The following ZDHHC12 variants were observed in gnomAD, a reference collection of about 807,000 sequenced individuals.
ZDHHC12 encodes the protein palmitoyltransferase ZDHHC12.
Under a neutral mutation model 33.2 loss-of-function variants are expected in ZDHHC12, and 26 were observed. That is an observed-to-expected ratio of 0.78 (90% CI 0.57 to 1.09). ZDHHC12 has a LOEUF of 1.09. Among genes scored for constraint, ZDHHC12 ranks in the 50% least tolerant of loss-of-function variants. The pLI is 0.00. For missense variants in ZDHHC12, 350 were observed against 353.0 expected (o/e 0.99, Z 0.07); for synonymous variants, 154 against 152.1 (o/e 1.01, Z -0.09).
chr9:128,721,330 G>T lies in ZDHHC12; in HGVS notation c.655C>A (p.Arg219Ser). Reference sequence around the variant, plus strand: ...GGGCGCTGGCGGAGATAGGCGATGCGGTGTGAGGAGATGAATTCCCAGGTG... The same window carrying T: ...GGGCGCTGGCGGAGATAGGCGATGCTGTGTGAGGAGATGAATTCCCAGGTG... Reference protein sequence around the residue: ...TTTWEFISSHRIAYLRQRPSN... With the variant: ...TTTWEFISSHSIAYLRQRPSN... The change falls in exon 5 of 5, where the codon CGC becomes AGC. Residue 219 changes from arginine (R) to serine (S), a missense_variant. By Grantham distance (110) the Arg-to-Ser change is moderately radical. Coordinates refer to ENST00000372663, the MANE Select transcript of ZDHHC12 (RefSeq NM_032799.5). This position sits in a 1 kb window ranked among gnomAD's most constrained non-coding sequence, Gnocchi z 6.9. 1 of 1,592,700 alleles carries T rather than the reference G, an allele frequency of 6.3e-7. No homozygotes were observed. The highest frequency in any genetic ancestry group is 8.5e-7 in the Non-Finnish European group (1 of 1,169,748).
chr9:128,721,849 G>A lies in ZDHHC12; in HGVS notation c.316-32C>T. The A allele has an allele frequency of 1.9e-6, 3 of 1,607,540 alleles. No individual in the cohort carries two copies. Among genetic ancestry groups the A allele is most frequent in the Non-Finnish European group, 2.5e-6 (3 of 1,176,510 alleles). On this transcript the variant is annotated intron_variant, in intron 3 of 4. Transcript: ENST00000372663. This position sits in a 1 kb window ranked among gnomAD's most constrained non-coding sequence, Gnocchi z 6.9. ...GCATGGAGGAGAGTGGAGGCTCAGTGCCAGCCCTGCTGTGGGCCCACCACT... is the reference window on the plus strand; with the variant it reads ...GCATGGAGGAGAGTGGAGGCTCAGTACCAGCCCTGCTGTGGGCCCACCACT...
In ZDHHC12 at chr9:128,721,533, G is replaced by C. The variant is rs765168974; in HGVS notation, c.483-31C>G. On this transcript the variant is annotated intron_variant, in intron 4 of 4. Transcript: ENST00000372663. The surrounding 1 kb of genome is among the most constrained non-coding windows in gnomAD (Gnocchi z 6.9). Reference sequence around the variant, plus strand: ...GTGCAGGGGACAGGGGCCTGGTGCTGGGGGAGGGCAGGGGAGCCCTTCCCT... The same window carrying C: ...GTGCAGGGGACAGGGGCCTGGTGCTCGGGGAGGGCAGGGGAGCCCTTCCCT... 6.3e-7 allele frequency: 1 copy of C among 1,594,686 alleles called. No homozygotes were observed. The highest frequency in any genetic ancestry group is 8.6e-7 in the Non-Finnish European group (1 of 1,169,054).
In ZDHHC12 at chr9:128,722,981, G is replaced by C. The variant is rs1481926220; in HGVS notation, c.101-407C>G. 1.3e-5 allele frequency: 3 copies of C among 228,094 alleles called. No individual in the cohort carries two copies. The highest frequency in any genetic ancestry group is 2.6e-5 in the Non-Finnish European group (3 of 116,108). The allele number at this position is 228,094 out of a possible 1,614,324, so 14.1% of individuals were successfully genotyped here. A position where few individuals can be genotyped will look rare whatever the true frequency, so the allele number is the denominator to read the frequency against. On this transcript the variant is annotated intron_variant, in intron 1 of 4. Transcript: ENST00000372663. The surrounding 1 kb of genome is among the most constrained non-coding windows in gnomAD (Gnocchi z 4.2). ...AGGGAAGAGGGGTCCAGCGTCTCTG[G>C]CTCTGCAATGGTGAGAGACTGGTTA...
Position 128,722,461 on chromosome 9 carries a change from C to G in ZDHHC12, c.214G>C (p.Val72Leu). The change falls in exon 2 of 5, where the codon GTG (valine) becomes CTG (leucine). Residue 72 changes from valine to leucine, a missense_variant. Physicochemically the swap from Val to Leu is conservative, Grantham distance 32. Transcript: ENST00000372663. The surrounding 1 kb of genome is among the most constrained non-coding windows in gnomAD (Gnocchi z 4.2). Reference protein sequence around the residue: ...LAVSLMDPGYVNVQPQPQEEL... With the variant: ...LAVSLMDPGYLNVQPQPQEEL... The stretch of plus-strand genomic sequence containing the variant: ...ACCTGAGGCTGGGGCTGCACATTCA[C>G]GTAGCCAGGGTCCATGAGTGACACA... 1 of 1,535,010 alleles carries G rather than the reference C, an allele frequency of 6.5e-7. No individual in the cohort carries two copies. The highest frequency in any genetic ancestry group is 1.4e-5 in the African/African-American group (1 of 72,924).
At position 128,724,116 on chromosome 9, in the gene ZDHHC12, C is replaced by T. The variant is rs1201792848; in HGVS notation, c.-23G>A. ...CATCGCCTCGGCCCGGGGCCCCACC[C>T]GGAAGAAGCGCCCAGAGGGGCGGGC... On this transcript the variant is annotated 5_prime_UTR_variant, in exon 1 of 5. Transcript: ENST00000372663. The T allele has an allele frequency of 6.6e-7, 1 of 1,517,630 alleles. No individual in the cohort carries two copies. The highest frequency in any genetic ancestry group is 8.9e-7 in the Non-Finnish European group (1 of 1,128,404). The allele number at this position is 1,517,630 out of a possible 1,614,324, so 94.0% of individuals were successfully genotyped here.
Position 128,722,193 on chromosome 9 carries a change from C to G in ZDHHC12, c.238-107G>C, listed in dbSNP as rs1380295349. 7.2e-7 allele frequency: 1 copy of G among 1,387,474 alleles called. No homozygotes were observed. Among genetic ancestry groups the G allele is most frequent in the East Asian group, 2.3e-5 (1 of 42,926 alleles). The allele number at this position is 1,387,474 out of a possible 1,614,324, so 85.9% of individuals were successfully genotyped here. A position where few individuals can be genotyped will look rare whatever the true frequency, so the allele number is the denominator to read the frequency against. ...TAGCTCTGGGTATGGAGTTTGGGAC[C>G]CATCCCATGCAGAATGGAGGTGTGG... On this transcript the variant is annotated intron_variant, in intron 2 of 4. Coordinates refer to ENST00000372663, the MANE Select transcript of ZDHHC12 (RefSeq NM_032799.5). The surrounding 1 kb of genome is among the most constrained non-coding windows in gnomAD (Gnocchi z 4.2).
Position 128,721,491 on chromosome 9 carries a change from CGGAG to C in ZDHHC12, c.490_493del (p.Leu164GlyfsTer71). The C allele has an allele frequency of 6.3e-7, 1 of 1,598,270 alleles. No homozygotes were observed. Among genetic ancestry groups the C allele is most frequent in the Non-Finnish European group, 8.5e-7 (1 of 1,172,960 alleles). ...CCACTGACCCCAGGGCTGGAAGAAC[CGGAG>C]GCCTGACCTGCGGTGCAGGGGACAG... On this transcript the variant is annotated frameshift_variant, in exon 5 of 5. Transcript: ENST00000372663. LOFTEE classifies it high-confidence loss of function. The surrounding 1 kb of genome is among the most constrained non-coding windows in gnomAD (Gnocchi z 6.9).
Position 128,720,967 on chromosome 9 carries a change from G to T in ZDHHC12, c.*214C>A. ...CTGGGGTGGAGCCCGGGGTCTGCTT[G>T]GGCCTGAGCCACCCACAGGTCCTTT... On this transcript the variant is annotated 3_prime_UTR_variant, in exon 5 of 5. Coordinates refer to ENST00000372663, the MANE Select transcript of ZDHHC12 (RefSeq NM_032799.5). This position sits in a 1 kb window ranked among gnomAD's most constrained non-coding sequence, Gnocchi z 5.5. 1.6e-6 allele frequency: 1 copy of T among 618,704 alleles called. No individual in the cohort carries two copies. Among genetic ancestry groups the T allele is most frequent in the Non-Finnish European group, 2.8e-6 (1 of 362,942 alleles). 38.3% of individuals were successfully genotyped at this position (618,704 alleles called of 1,614,324 possible).
Position 128,722,966 on chromosome 9 carries a change from G to A in ZDHHC12, c.101-392C>T. ...CTGGATGTGGGAGAGAGGGAAGAGG[G>A]GTCCAGCGTCTCTGGCTCTGCAATG... On this transcript the variant is annotated intron_variant, in intron 1 of 4. Coordinates refer to ENST00000372663, the MANE Select transcript of ZDHHC12 (RefSeq NM_032799.5). This position sits in a 1 kb window ranked among gnomAD's most constrained non-coding sequence, Gnocchi z 4.2. 4.0e-6 allele frequency: 1 copy of A among 247,136 alleles called. No individual in the cohort carries two copies. The highest frequency in any genetic ancestry group is 7.8e-6 in the Non-Finnish European group (1 of 128,700). 15.3% of individuals were successfully genotyped at this position (247,136 alleles called of 1,614,324 possible). A position where few individuals can be genotyped will look rare whatever the true frequency, so the allele number is the denominator to read the frequency against.
rs1248138982 is a variant in ZDHHC12, at chr9:128,721,451, C to A, written c.534G>T (p.Gly178=). 2 of 1,588,254 alleles carry A rather than the reference C, an allele frequency of 1.3e-6. No individual in the cohort carries two copies. Among genetic ancestry groups the A allele is most frequent in the South Asian group, 2.3e-5 (2 of 88,046 alleles). ...GCAGCAGGAAGGTGGCGAACAGGAG[C>A]CCGCTGGACCGCAACCACTGACCCC... is the stretch of plus-strand genomic sequence containing the variant. The part of the protein sequence containing the change: ...QPWGQWLRSS[G]LLFATFLLLS... The change falls in exon 5 of 5, where the codon GGG becomes GGT. Residue 178 remains glycine (G), a synonymous_variant. Transcript: ENST00000372663. This position sits in a 1 kb window ranked among gnomAD's most constrained non-coding sequence, Gnocchi z 6.9.
Position 128,721,094 on chromosome 9 carries a change from G to A in ZDHHC12, c.*87C>T. ...TCTGGGAGGCGTGGGCAGGAGTGAG[G>A]GCCCCAGGCCCTCTGAGCGCTCACC... On this transcript the variant is annotated 3_prime_UTR_variant, in exon 5 of 5. Coordinates refer to ENST00000372663, the MANE Select transcript of ZDHHC12 (RefSeq NM_032799.5). This position sits in a 1 kb window ranked among gnomAD's most constrained non-coding sequence, Gnocchi z 6.9. The A allele has an allele frequency of 7.4e-7, 1 of 1,350,048 alleles. No individual in the cohort carries two copies. The highest frequency in any genetic ancestry group is 9.8e-7 in the Non-Finnish European group (1 of 1,020,982). 83.6% of individuals were successfully genotyped at this position (1,350,048 alleles called of 1,614,324 possible). A position where few individuals can be genotyped will look rare whatever the true frequency, so the allele number is the denominator to read the frequency against.
chr9:128,721,996 G>A lies in ZDHHC12; in HGVS notation c.315+13C>T, dbSNP rs779757153. On this transcript the variant is annotated intron_variant, in intron 3 of 4. Coordinates refer to ENST00000372663, the MANE Select transcript of ZDHHC12 (RefSeq NM_032799.5). The surrounding 1 kb of genome is among the most constrained non-coding windows in gnomAD (Gnocchi z 6.9). ...GGCCCAACCTCTCCCACGGGTGTCC[G>A]TGCATCACTCACCAGCACCAGGCAG... 5.6e-6 allele frequency: 9 copies of A among 1,613,970 alleles called. No individual in the cohort carries two copies. Among genetic ancestry groups the A allele is most frequent in the South Asian group, 1.1e-5 (1 of 91,084 alleles).
At position 128,723,624 on chromosome 9, in the gene ZDHHC12, T is replaced by C. The variant is rs1349567578; in HGVS notation, c.100+370A>G. 2.5e-6 allele frequency: 1 copy of C among 396,476 alleles called. No individual in the cohort carries two copies. Among genetic ancestry groups the C allele is most frequent in the Non-Finnish European group, 4.5e-6 (1 of 220,844 alleles). 24.6% of individuals were successfully genotyped at this position (396,476 alleles called of 1,614,324 possible). On this transcript the variant is annotated intron_variant, in intron 1 of 4. Coordinates refer to ENST00000372663, the MANE Select transcript of ZDHHC12 (RefSeq NM_032799.5). The surrounding 1 kb of genome is among the most constrained non-coding windows in gnomAD (Gnocchi z 4.4). Reference sequence around the variant, plus strand: ...GCAGAATGCCAATCTTTGCATCTAGTTGAGCCTCCTAATCGTATGGATAGG... The same window carrying C: ...GCAGAATGCCAATCTTTGCATCTAGCTGAGCCTCCTAATCGTATGGATAGG...
Position 128,722,238 on chromosome 9 carries a change from G to C in ZDHHC12, c.238-152C>G, listed in dbSNP as rs753764598. 1.2e-5 allele frequency: 13 copies of C among 1,121,008 alleles called. No individual in the cohort carries two copies. Among genetic ancestry groups the C allele is most frequent in the Non-Finnish European group, 1.7e-5 (13 of 782,290 alleles). The allele number at this position is 1,121,008 out of a possible 1,614,324, so 69.4% of individuals were successfully genotyped here. A position where few individuals can be genotyped will look rare whatever the true frequency, so the allele number is the denominator to read the frequency against. Reference sequence around the variant, plus strand: ...GTGTGGGGTATGGCGGAGCACCCTGGACTGAGGGCGGCTGTGTATGTTTGC... The same window carrying C: ...GTGTGGGGTATGGCGGAGCACCCTGCACTGAGGGCGGCTGTGTATGTTTGC... On this transcript the variant is annotated intron_variant, in intron 2 of 4. Transcript: ENST00000372663. This position sits in a 1 kb window ranked among gnomAD's most constrained non-coding sequence, Gnocchi z 4.2.
Position 128,721,961 on chromosome 9 carries a change from T to A in ZDHHC12, c.315+48A>T, listed in dbSNP as rs766840800. ...AGTGGGGCAGGAGGAGGTCGAGGAG[T>A]CTCAGCTTTGGCCCAACCTCTCCCA... On this transcript the variant is annotated intron_variant, in intron 3 of 4. Coordinates refer to ENST00000372663, the MANE Select transcript of ZDHHC12 (RefSeq NM_032799.5). The surrounding 1 kb of genome is among the most constrained non-coding windows in gnomAD (Gnocchi z 6.9). The A allele has an allele frequency of 1.9e-6, 3 of 1,612,316 alleles. No homozygotes were observed. Among genetic ancestry groups the A allele is most frequent in the African/African-American group, 1.3e-5 (1 of 74,754 alleles).
In ZDHHC12 at chr9:128,721,508, G is replaced by C. The variant is rs768673771; in HGVS notation, c.483-6C>G. On this transcript the variant is annotated splice_region_variant and splice_polypyrimidine_tract_variant and intron_variant, in intron 4 of 4. Transcript: ENST00000372663. The surrounding 1 kb of genome is among the most constrained non-coding windows in gnomAD (Gnocchi z 6.9). ...GGAAGAACCGGAGGCCTGACCTGCG[G>C]TGCAGGGGACAGGGGCCTGGTGCTG... The C allele has an allele frequency of 3.2e-5, 52 of 1,602,302 alleles. No homozygotes were observed. Among genetic ancestry groups the C allele is most frequent in the Non-Finnish European group, 4.1e-5 (48 of 1,174,624 alleles).
At position 128,721,515 on chromosome 9, in the gene ZDHHC12, G is replaced by A. The variant is rs1365958129; in HGVS notation, c.483-13C>T. 2 of 1,599,118 alleles carry A rather than the reference G, an allele frequency of 1.3e-6. No homozygotes were observed. The highest frequency in any genetic ancestry group is 1.3e-5 in the African/African-American group (1 of 74,486). On this transcript the variant is annotated splice_polypyrimidine_tract_variant and intron_variant, in intron 4 of 4. Coordinates refer to ENST00000372663, the MANE Select transcript of ZDHHC12 (RefSeq NM_032799.5). This position sits in a 1 kb window ranked among gnomAD's most constrained non-coding sequence, Gnocchi z 6.9. The stretch of plus-strand genomic sequence containing the variant: ...CCGGAGGCCTGACCTGCGGTGCAGG[G>A]GACAGGGGCCTGGTGCTGGGGGAGG...
rs1388900402 is a variant in ZDHHC12, at chr9:128,722,718, A to C, written c.101-144T>G. On this transcript the variant is annotated intron_variant, in intron 1 of 4. Transcript: ENST00000372663. The surrounding 1 kb of genome is among the most constrained non-coding windows in gnomAD (Gnocchi z 4.2). ...GTTCCATGAGTGGCTGTGTGTGGCCAGCAGTTCATCTGCACTTTTATCTGG... is the reference window on the plus strand; with the variant it reads ...GTTCCATGAGTGGCTGTGTGTGGCCCGCAGTTCATCTGCACTTTTATCTGG... 6.9e-7 allele frequency: 1 copy of C among 1,458,984 alleles called. No homozygotes were observed. Among genetic ancestry groups the C allele is most frequent in the Non-Finnish European group, 9.1e-7 (1 of 1,099,978 alleles). 90.4% of individuals were successfully genotyped at this position (1,458,984 alleles called of 1,614,324 possible). A position where few individuals can be genotyped will look rare whatever the true frequency, so the allele number is the denominator to read the frequency against.
In ZDHHC12 at chr9:128,723,978, T is replaced by C. The variant is rs1323092229; in HGVS notation, c.100+16A>G. The C allele has an allele frequency of 6.2e-7, 1 of 1,608,126 alleles. No individual in the cohort carries two copies. Among genetic ancestry groups the C allele is most frequent in the Non-Finnish European group, 8.5e-7 (1 of 1,177,286 alleles). ...CGGGATCGGGTGGGTCCGGGGTCGC[T>C]CGGGGTCCGGCTCACCGGTATCGTG... On this transcript the variant is annotated intron_variant, in intron 1 of 4. Transcript: ENST00000372663. This position sits in a 1 kb window ranked among gnomAD's most constrained non-coding sequence, Gnocchi z 4.4.
Sources: gnomAD v4.1 joint callset for allele counts on GRCh38, gnomAD v4.1.1 for gene constraint, Gnocchi (gnomAD v3.1) non-coding constraint, MANE v1.5 for transcripts, NCBI Gene and HGNC (gene_info 2026-07-23, HGNC 2026-07-21) for gene names.